Variants in NALF1 observed in about 807,000 individuals in gnomAD.
NALF1 encodes the protein NALCN channel auxiliary factor 1.
In NALF1, 3 loss-of-function variants were observed where a neutral mutation model predicts 48.4. That is an observed-to-expected ratio of 0.06 (90% CI 0.03 to 0.16). NALF1 has a LOEUF of 0.16. NALF1 is among the 10% of genes least tolerant of loss of function. The pLI, the probability that NALF1 is intolerant of heterozygous loss-of-function variation, is 1.00. For missense variants in NALF1, 526 were observed against 571.5 expected (o/e 0.92, Z 0.81); for synonymous variants, 262 against 245.7 (o/e 1.07, Z -0.62).
intron 1 of NALF1, among the ~76,000 whole-genome samples, chr13:107,335,214 TC>T (rs1882534404): frequency 6.6e-6 from 1 of 152,096 alleles, no homozygotes; most frequent in Non-Finnish European, 1.5e-5. Context: ...GGCACCAATT[TC>T]CATGGTCTCA....
intron 1 of NALF1, among the ~76,000 whole-genome samples, chr13:107,469,864 C>T (rs1382518389): frequency 6.6e-6 from 1 of 150,612 alleles, no homozygotes; most frequent in African/African-American, 2.4e-5. Context: ...CTGCCTCAGC[C>T]TCCCGAGTAG....
intron 1 of NALF1, among the ~76,000 whole-genome samples, chr13:107,508,317 T>G (rs1393068000): frequency 6.6e-6 from 1 of 151,580 alleles, no homozygotes; most frequent in Non-Finnish European, 1.5e-5. Flanking sequence ...ATATTTGATA[T>G]ACTCATGTAT....
At chr13:107,856,080 A>T (rs1231575444) in intron 1 of NALF1, among the ~76,000 whole-genome samples, 1 of 151,950 alleles carries the variant, frequency 6.6e-6, no homozygotes, top group Non-Finnish European at 1.5e-5. Flanking sequence ...ATTTTTAAAA[A>T]TTTTCTTGTA....
intron 1 of NALF1, among the ~76,000 whole-genome samples, chr13:107,840,693 T>C (rs1880022624): frequency 6.6e-6 from 1 of 152,170 alleles, no homozygotes; most frequent in South Asian, 2.1e-4. Context: ...TGGGAAGCAG[T>C]TGTCAGTCTC....
intron 1 of NALF1, among the ~76,000 whole-genome samples, chr13:107,488,666 T>C (rs1220746378): frequency 1.3e-5 from 2 of 152,072 alleles, no homozygotes; most frequent in African/African-American, 4.8e-5. Flanking sequence ...CAGACAATAT[T>C]GTACTAAATG....
intron 1 of NALF1, among the ~76,000 whole-genome samples, chr13:107,318,410 C>T (rs1256140065): frequency 6.6e-6 from 1 of 152,088 alleles, no homozygotes; most frequent in Non-Finnish European, 1.5e-5. Flanking sequence ...TTGCAAAAAA[C>T]TGTAATTCAT....
At chr13:107,377,205 C>A (rs1594144148) in intron 1 of NALF1, among the ~76,000 whole-genome samples, 1 of 152,272 alleles carries the variant, frequency 6.6e-6, no homozygotes, top group Non-Finnish European at 1.5e-5. Flanking sequence ...CGGTGCTGAT[C>A]AAAAATGAGG....
chr13:107,555,312 G>T (rs1291656221), intron 1 of NALF1, among the ~76,000 whole-genome samples: 2 of 151,428 alleles, frequency 1.3e-5, no homozygotes, highest in Admixed American at 1.3e-4. Context: ...CATTCTTGTT[G>T]CCCAGGCTGG....
intron 1 of NALF1, among the ~76,000 whole-genome samples, chr13:107,846,029 C>G (rs1433031702): frequency 1.3e-5 from 2 of 152,032 alleles, no homozygotes; most frequent in East Asian, 3.8e-4. Context: ...CTGAAATGTA[C>G]AAATCTATCT....
At chr13:107,258,097 A>G (rs1880856603) in intron 1 of NALF1, among the ~76,000 whole-genome samples, 1 of 152,184 alleles carries the variant, frequency 6.6e-6, no homozygotes, top group South Asian at 2.1e-4. Flanking sequence ...CATAGAATAT[A>G]CTTTTGGGAA....
intron 1 of NALF1, among the ~76,000 whole-genome samples, chr13:107,218,150 C>T (rs1407268604): frequency 6.6e-6 from 1 of 152,126 alleles, no homozygotes; most frequent in Non-Finnish European, 1.5e-5. Flanking sequence ...GCACCAGGCT[C>T]TTCCTTCCAC....
chr13:107,299,883 C>T (rs1352859810), intron 1 of NALF1, among the ~76,000 whole-genome samples: 1 of 152,110 alleles, frequency 6.6e-6, no homozygotes, highest in Non-Finnish European at 1.5e-5. Flanking sequence ...TGTTTGAACA[C>T]CTCATTTTCT....
At chr13:107,554,969 G>C (rs556917768) in intron 1 of NALF1, among the ~76,000 whole-genome samples, 1 of 152,186 alleles carries the variant, frequency 6.6e-6, no homozygotes, top group South Asian at 2.1e-4. Flanking sequence ...TAACCTGTCC[G>C]GGGAGGCCTC....
At chr13:107,185,314 C>G (rs1594059880) in intron 2 of NALF1, among the ~76,000 whole-genome samples, 1 of 152,138 alleles carries the variant, frequency 6.6e-6, no homozygotes, top group Non-Finnish European at 1.5e-5. Flanking sequence ...AACGAATATA[C>G]TGCATATTCA....
At chr13:107,323,373 T>C (rs1359810881) in intron 1 of NALF1, among the ~76,000 whole-genome samples, 1 of 152,198 alleles carries the variant, frequency 6.6e-6, no homozygotes. Flanking sequence ...ATTTTAAAAT[T>C]ATTGAGAAAA....
At chr13:107,836,234 G>GC (rs1340812692) in intron 1 of NALF1, among the ~76,000 whole-genome samples, 1 of 152,034 alleles carries the variant, frequency 6.6e-6, no homozygotes, top group African/African-American at 2.4e-5. Context: ...CAAGCAATCT[G>GC]CCCCCCTTGG....
rs575223883 is a variant in NALF1, at chr13:107,626,532, G to C, written c.915+239150C>G. ...GAATCAATCTAAGTGGCCATCAATGGATGAATGGATGATGAGAATGTGTAA... is the reference window on the plus strand; with the variant it reads ...GAATCAATCTAAGTGGCCATCAATGCATGAATGGATGATGAGAATGTGTAA... On this transcript the variant is annotated intron_variant, in intron 1 of 2. Coordinates refer to ENST00000375915, the MANE Select transcript of NALF1 (RefSeq NM_001080396.3). 2.0e-5 allele frequency among the ~76,000 whole-genome samples: 3 copies of C among 152,220 alleles called. No individual in the cohort carries two copies. In the East Asian group the frequency reaches 5.8e-4, roughly 29 times the overall value.
chr13:107,660,422 G>C (rs1342958815), intron 1 of NALF1, among the ~76,000 whole-genome samples: 1 of 145,450 alleles, frequency 6.9e-6, no homozygotes, highest in Non-Finnish European at 1.5e-5. Flanking sequence ...GACAGGGCAA[G>C]ACTCTGTCTC....
At chr13:107,285,682 T>G (rs1255086176) in intron 1 of NALF1, among the ~76,000 whole-genome samples, 1 of 152,006 alleles carries the variant, frequency 6.6e-6, no homozygotes, top group East Asian at 1.9e-4. Context: ...ATACAGAGGA[T>G]GCATGTAGTA....
Sources: allele counts gnomAD v4.1 joint callset (sites outside exome capture counted in the v4.1 genomes callset), GRCh38; gene constraint gnomAD v4.1.1; transcripts MANE v1.5; gene names NCBI Gene and HGNC (gene_info 2026-07-23, HGNC 2026-07-21).